CADM2: variants seen among roughly 807,000 people sequenced by gnomAD.
CADM2 encodes immunoglobulin superfamily member 4D.
In CADM2, 12 loss-of-function variants were observed where a neutral mutation model predicts 49.8. That is an observed-to-expected ratio of 0.24 (90% CI 0.15 to 0.39). CADM2 has a LOEUF of 0.39. Ranked by LOEUF, CADM2 falls within the 10% of genes least tolerant of loss-of-function variation. The pLI is 1.00. For synonymous variants in CADM2, 214 were observed against 175.4 expected, an observed-to-expected ratio of 1.22 and a Z score of -1.74; for missense variants, 378 against 492.3, an observed-to-expected ratio of 0.77 and a Z score of 2.20.
rs1281123672 is a variant in CADM2, at chr3:85,541,746, T to TTATA, written c.62-184772_62-184769dup. Among the ~76,000 whole-genome samples the TTATA allele has an allele frequency of 4.0e-4, 11 of 27,774 alleles. 1 individual carries two copies. The highest frequency in any genetic ancestry group is 5.8e-4 in the Non-Finnish European group (5 of 8,550). 18.2% of individuals were successfully genotyped at this position (27,774 alleles called of 152,430 possible). A position where few individuals can be genotyped will look rare whatever the true frequency, so the allele number is the denominator to read the frequency against. ...TATATATATATTTTATATATATATT[T>TTATA]TATATATTTTATATATATATTTTAT... On this transcript the variant is annotated intron_variant, in intron 1 of 9. Coordinates refer to ENST00000383699, the MANE Select transcript of CADM2 (RefSeq NM_001167675.2).
intron 1 of CADM2, among the ~76,000 whole-genome samples, chr3:85,263,996 A>T (rs2043067732): frequency 6.6e-6 from 1 of 151,970 alleles, no homozygotes; most frequent in Non-Finnish European, 1.5e-5. Context: ...CTCATTTCTT[A>T]TTTCTACTTT....
At chr3:86,011,014 C>T (rs1276936648) in intron 8 of CADM2, among the ~76,000 whole-genome samples, 1 of 151,706 alleles carries the variant, frequency 6.6e-6, no homozygotes. Flanking sequence ...GGAAAATATA[C>T]CTTTTATCGT....
chr3:85,359,854 T>C (rs1576415528), intron 1 of CADM2, among the ~76,000 whole-genome samples: 1 of 150,480 alleles, frequency 6.6e-6, no homozygotes, highest in Non-Finnish European at 1.5e-5. Context: ...CAACATTTTC[T>C]TTTAAAATTA....
chr3:85,848,999 T>C (rs1017163028), intron 3 of CADM2, among the ~76,000 whole-genome samples: 1 of 152,174 alleles, frequency 6.6e-6, no homozygotes, highest in Non-Finnish European at 1.5e-5. Flanking sequence ...AGTCTATACT[T>C]CTCATATTCC....
chr3:85,486,151 T>C (rs2039405737), intron 1 of CADM2, among the ~76,000 whole-genome samples: 1 of 152,168 alleles, frequency 6.6e-6, no homozygotes. Context: ...ATTTAAATGA[T>C]GTAGACATTA....
intron 8 of CADM2, among the ~76,000 whole-genome samples, chr3:85,988,741 TCA>T (rs1224610803): frequency 2.6e-5 from 4 of 152,212 alleles, no homozygotes; most frequent in African/African-American, 9.6e-5. Context: ...TTCAAATGGT[TCA>T]GTTATAATAA....
At chr3:85,081,959 A>G (rs971743999) in intron 1 of CADM2, among the ~76,000 whole-genome samples, 21 of 150,052 alleles carry the variant, frequency 1.4e-4, no homozygotes, top group Admixed American at 2.1e-4. Context: ...TGTTTGTGAT[A>G]ACTAATATCA....
intron 1 of CADM2, among the ~76,000 whole-genome samples, chr3:84,984,001 T>TAAA (rs1404339087): frequency 6.6e-6 from 1 of 151,590 alleles, no homozygotes. Flanking sequence ...ACTTTCAGAC[T>TAAA]TTCTATTTTC....
chr3:85,613,012 T>A (rs1019079209), intron 1 of CADM2, among the ~76,000 whole-genome samples: 3 of 151,730 alleles, frequency 2.0e-5, no homozygotes, highest in African/African-American at 7.2e-5. Context: ...AGAGATGGAA[T>A]GACAGATTTC....
chr3:85,854,903 A>T (rs1468378878), intron 3 of CADM2, among the ~76,000 whole-genome samples: 1 of 152,154 alleles, frequency 6.6e-6, no homozygotes. Flanking sequence ...ATACCTTAGT[A>T]ACTCTCCACA....
intron 1 of CADM2, among the ~76,000 whole-genome samples, chr3:85,714,865 T>A (rs2067235864): frequency 6.6e-6 from 1 of 152,134 alleles, no homozygotes; most frequent in Admixed American, 6.6e-5. Flanking sequence ...CATCAATGAG[T>A]ACTAGTCATC....
At chr3:85,979,059 A>G in intron 8 of CADM2, 2 of 1,275,472 alleles carry the variant, frequency 1.6e-6, no homozygotes. Flanking sequence ...AAAGCTTGTT[A>G]AAGTTAAACC....
intron 1 of CADM2, among the ~76,000 whole-genome samples, chr3:85,325,177 T>C (rs2044715763): frequency 6.6e-6 from 1 of 152,198 alleles, no homozygotes; most frequent in Non-Finnish European, 1.5e-5. Context: ...GAAGAAGTTT[T>C]GTAACGTCGA....
At chr3:86,052,131 A>C (rs781733635) in intron 8 of CADM2, among the ~76,000 whole-genome samples, 2 of 152,200 alleles carry the variant, frequency 1.3e-5, no homozygotes. Flanking sequence ...AAACAATTAC[A>C]CTAATTTAGA....
intron 1 of CADM2, among the ~76,000 whole-genome samples, chr3:85,321,668 A>G (rs1381657759): frequency 6.6e-6 from 1 of 152,100 alleles, no homozygotes; most frequent in African/African-American, 2.4e-5. Context: ...ATACATCTCA[A>G]GTTCTGTTTT....
At chr3:85,813,578 A>G (rs981732411) in intron 3 of CADM2, among the ~76,000 whole-genome samples, 1 of 152,064 alleles carries the variant, frequency 6.6e-6, no homozygotes, top group Non-Finnish European at 1.5e-5. Flanking sequence ...TTTTGTTGCC[A>G]TTGTTTTTGT....
chr3:85,752,288 A>T (rs991710805), intron 2 of CADM2, among the ~76,000 whole-genome samples: 2 of 152,156 alleles, frequency 1.3e-5, no homozygotes, highest in African/African-American at 4.8e-5. Context: ...CTGCTGAAAG[A>T]GTTCTGCACT....
At chr3:85,393,403 A>G (rs1559817007) in intron 1 of CADM2, among the ~76,000 whole-genome samples, 1 of 152,184 alleles carries the variant, frequency 6.6e-6, no homozygotes, top group Non-Finnish European at 1.5e-5. Flanking sequence ...GATGGGAGAA[A>G]GCTGTTCTGA....
chr3:86,011,042 C>A (rs911299599), intron 8 of CADM2, among the ~76,000 whole-genome samples: 2 of 151,792 alleles, frequency 1.3e-5, no homozygotes, highest in Admixed American at 1.3e-4. Context: ...CTAGTTGTAT[C>A]AAAATGTAAA....
Sources: allele counts gnomAD v4.1 joint callset (sites outside exome capture counted in the v4.1 genomes callset), GRCh38; gene constraint gnomAD v4.1.1; transcripts MANE v1.5; gene names NCBI Gene and HGNC (gene_info 2026-07-23, HGNC 2026-07-21).